Variants in RORA observed in about 807,000 individuals in gnomAD.
RORA encodes the protein RAR related orphan receptor A, also known as nuclear receptor ROR-alpha.
RORA carries 7 observed loss-of-function variants against 69.5 expected under a neutral mutation model. The observed-to-expected ratio is 0.10, with a 90% CI of 0.06 to 0.19. The LOEUF (loss-of-function observed/expected upper bound fraction) is 0.19, where lower values mean the gene tolerates loss of function less well. RORA is among the 10% of genes least tolerant of loss of function. The pLI is 1.00. For missense variants in RORA, 457 were observed against 663.0 expected, an observed-to-expected ratio of 0.69 and a Z score of 3.41; for synonymous variants, 261 against 240.8, an observed-to-expected ratio of 1.08 and a Z score of -0.78.
chr15:61,161,958 G>C (rs1249619817), intron 1 of RORA, among the ~76,000 whole-genome samples: 1 of 151,936 alleles, frequency 6.6e-6, no homozygotes, highest in East Asian at 1.9e-4. Context: ...TTAATCACGT[G>C]GCAAATGCAT....
intron 4 of RORA, among the ~76,000 whole-genome samples, chr15:60,512,562 T>G (rs1414908470): frequency 6.6e-6 from 1 of 152,180 alleles, no homozygotes; most frequent in Non-Finnish European, 1.5e-5. Context: ...AGTGCTGGGA[T>G]TACAAGTGTG....
chr15:60,919,052 C>A (rs150086548), intron 1 of RORA, among the ~76,000 whole-genome samples: 1 of 152,104 alleles, frequency 6.6e-6, no homozygotes, highest in African/African-American at 2.4e-5. Context: ...AAAAGACATG[C>A]GGCTTATATA....
chr15:60,689,099 C>T (rs1398095959), intron 1 of RORA, among the ~76,000 whole-genome samples: 2 of 152,170 alleles, frequency 1.3e-5, no homozygotes, highest in East Asian at 1.9e-4. Context: ...ACCAACTAGT[C>T]GTTTCACTTG....
At chr15:60,926,898 C>T (rs1595821547) in intron 1 of RORA, among the ~76,000 whole-genome samples, 1 of 152,200 alleles carries the variant, frequency 6.6e-6, no homozygotes, top group East Asian at 1.9e-4. Flanking sequence ...AGAGAGATGA[C>T]TGGAAGGATC....
chr15:61,149,533 C>T (rs2140872452), intron 1 of RORA, among the ~76,000 whole-genome samples: 1 of 152,186 alleles, frequency 6.6e-6, no homozygotes, highest in South Asian at 2.1e-4. Context: ...TATCTCCCTC[C>T]AGAAAGGATC....
intron 1 of RORA, among the ~76,000 whole-genome samples, chr15:60,910,136 G>C (rs1249236847): frequency 6.6e-6 from 1 of 152,186 alleles, no homozygotes; most frequent in Non-Finnish European, 1.5e-5. Context: ...TTCAGAGTCA[G>C]ATCCATGAGG....
intron 1 of RORA, among the ~76,000 whole-genome samples, chr15:60,912,527 T>G (rs2140480569): frequency 6.6e-6 from 1 of 151,702 alleles, no homozygotes. Context: ...GGCCGAGGCA[T>G]GTGGATCACG....
chr15:60,696,906 C>T (rs1160550997), intron 1 of RORA, among the ~76,000 whole-genome samples: 3 of 152,062 alleles, frequency 2.0e-5, no homozygotes, highest in Non-Finnish European at 4.4e-5. Flanking sequence ...TTTATATTCT[C>T]GGAGGACACA....
intron 1 of RORA, among the ~76,000 whole-genome samples, chr15:60,689,477 TC>T (rs1433625160): frequency 2.0e-5 from 3 of 152,208 alleles, no homozygotes; most frequent in Admixed American, 2.0e-4. Flanking sequence ...TTTCCATTTG[TC>T]TTTTTTTAAA....
chr15:60,591,343 G>A (rs2068503099), intron 2 of RORA, among the ~76,000 whole-genome samples: 1 of 152,200 alleles, frequency 6.6e-6, no homozygotes, highest in African/African-American at 2.4e-5. Context: ...CTCCGGAGCT[G>A]TTTGCAACCG....
At chr15:60,663,502 C>G (rs1022324599) in intron 2 of RORA, among the ~76,000 whole-genome samples, 1 of 152,232 alleles carries the variant, frequency 6.6e-6, no homozygotes, top group Admixed American at 6.5e-5. Flanking sequence ...GTTGCCCAGG[C>G]TGGAGTGCAA....
intron 1 of RORA, among the ~76,000 whole-genome samples, chr15:60,817,605 C>A (rs2072835866): frequency 6.6e-6 from 1 of 152,218 alleles, no homozygotes; most frequent in Non-Finnish European, 1.5e-5. Context: ...AACACCAGGT[C>A]CAATCTCTCC....
intron 2 of RORA, among the ~76,000 whole-genome samples, chr15:60,535,205 A>G (rs2066639007): frequency 6.6e-6 from 1 of 152,222 alleles, no homozygotes; most frequent in Non-Finnish European, 1.5e-5. Flanking sequence ...CAACGTTCAC[A>G]AGTATATTGA....
chr15:60,828,393 A>T (rs1409254277), intron 1 of RORA, among the ~76,000 whole-genome samples: 1 of 152,202 alleles, frequency 6.6e-6, no homozygotes, highest in Non-Finnish European at 1.5e-5. Flanking sequence ...CTCCAGAAGG[A>T]AAGAGAATCT....
intron 1 of RORA, among the ~76,000 whole-genome samples, chr15:61,139,499 TC>T (rs1304115789): frequency 7.9e-5 from 12 of 151,646 alleles, no homozygotes; most frequent in African/African-American, 2.7e-4. Flanking sequence ...GGAGGGCGAG[TC>T]TTAATACATC....
intron 1 of RORA, among the ~76,000 whole-genome samples, chr15:60,980,462 T>A (rs573964793): frequency 1.1e-4 from 16 of 152,288 alleles, no homozygotes; most frequent in Admixed American, 2.6e-4. Flanking sequence ...TGGTGCTAAC[T>A]TTTCTTTAAA....
chr15:60,912,918 C>T (rs913940088), intron 1 of RORA, among the ~76,000 whole-genome samples: 107 of 152,226 alleles, frequency 7.0e-4, no homozygotes, highest in African/African-American at 2.5e-3. Context: ...AAAATCCACA[C>T]ATTATAAGCA....
chr15:60,508,155 C>A (rs1445794780), intron 5 of RORA, among the ~76,000 whole-genome samples: 1 of 152,194 alleles, frequency 6.6e-6, no homozygotes, highest in African/African-American at 2.4e-5. Flanking sequence ...TAAGCGTGGT[C>A]TCTCAGATAA....
At chr15:61,209,164 A>AG (rs1003330220) in intron 1 of RORA, among the ~76,000 whole-genome samples, 1 of 152,158 alleles carries the variant, frequency 6.6e-6, no homozygotes, top group Non-Finnish European at 1.5e-5. Context: ...AGCTCGCCAC[A>AG]GGGGCTTGTC....
Sources: gnomAD v4.1 joint callset for allele counts (sites outside exome capture counted in the v4.1 genomes callset) on GRCh38, gnomAD v4.1.1 for gene constraint, MANE v1.5 for transcripts, NCBI Gene and HGNC (gene_info 2026-07-23, HGNC 2026-07-21) for gene names.